The following CLIC5 variants were observed in gnomAD, a reference collection of about 807,000 sequenced individuals.
CLIC5 encodes the protein CLIC family member 5.
In CLIC5, 20 loss-of-function variants were observed where a neutral mutation model predicts 24.7. The ratio of observed to expected loss-of-function variants is 0.81; its 90% CI spans 0.57 to 1.18. The LOEUF is 1.18. Among genes scored for constraint, CLIC5 ranks in the 50% most tolerant of loss-of-function variants. CLIC5 has a pLI of 0.00. For missense variants in CLIC5, 341 were observed against 326.1 expected, an observed-to-expected ratio of 1.05 and a Z score of -0.35; for synonymous variants, 159 against 135.6, an observed-to-expected ratio of 1.17 and a Z score of -1.20.
rs1764724997 is a variant in CLIC5, at chr6:45,958,434, A to G, written c.64-3190T>C. Among the ~76,000 whole-genome samples the G allele has an allele frequency of 6.1e-5, 5 of 82,464 alleles. No individual in the cohort carries two copies. In the South Asian group the frequency reaches 3.3e-3, roughly 55 times the overall value. 54.1% of individuals were successfully genotyped at this position (82,464 alleles called of 152,430 possible). A position where few individuals can be genotyped will look rare whatever the true frequency, so the allele number is the denominator to read the frequency against. On this transcript the variant is annotated intron_variant, in intron 1 of 5. Coordinates refer to ENST00000339561, the MANE Select transcript of CLIC5 (RefSeq NM_016929.5). ...GTCAAAAAGACAATTATATATATAT[A>G]TATATATATATATATATATATATAT...
rs73448525 is a variant in CLIC5 at position 46,068,590 on chromosome 6, C to A, written c.540+11113G>T. On this transcript the variant is annotated intron_variant, in intron 1 of 5. Transcript: ENST00000185206. ...TGTTATGGCCCGAATTGTATACATA[C>A]CCCCCAAGTTTGTATGTTGAAATCC... Among the ~76,000 whole-genome samples, 1,087 of 152,094 alleles carry A rather than the reference C, an allele frequency of 7.1e-3. 13 individuals carry two copies. The highest frequency in any genetic ancestry group is 0.024 in the African/African-American group (992 of 41,482).
intron 2 of CLIC5, 149 bp from the exon 3 acceptor site, chr6:45,949,530 G>A (rs1764403588): frequency 1.2e-6 from 1 of 826,168 alleles, no homozygotes; most frequent in Non-Finnish European, 1.8e-6. Flanking sequence ...TAGGGCAGGG[G>A]AGGTTGGAGA....
At chr6:45,916,631 G>A (rs959110454) in intron 4 of CLIC5, among the ~76,000 whole-genome samples, 28 of 152,222 alleles carry the variant, frequency 1.8e-4, no homozygotes, top group African/African-American at 6.8e-4. Context: ...TGTTGCACAA[G>A]TCTGTGCCCA....
chr6:46,023,424 C>A (rs1767240744), intron 1 of CLIC5, among the ~76,000 whole-genome samples: 1 of 152,178 alleles, frequency 6.6e-6, no homozygotes, highest in African/African-American at 2.4e-5. Flanking sequence ...GAACTCCCTC[C>A]ATTGCTAAAG....
chr6:45,930,325 A>C (rs566764502), intron 4 of CLIC5, among the ~76,000 whole-genome samples: 59 of 152,302 alleles, frequency 3.9e-4, no homozygotes, highest in African/African-American at 1.4e-3. Flanking sequence ...AGATTGTAGA[A>C]GGAGAAGAGG....
At chr6:46,013,210 C>G (rs374424233) in intron 1 of CLIC5, among the ~76,000 whole-genome samples, 9 of 152,152 alleles carry the variant, frequency 5.9e-5, no homozygotes, top group African/African-American at 1.4e-4. Context: ...AGAAACCAAC[C>G]CACCCTGCCC....
chr6:46,006,403 C>A (rs945246644), intron 1 of CLIC5, among the ~76,000 whole-genome samples: 1 of 151,650 alleles, frequency 6.6e-6, no homozygotes, highest in Non-Finnish European at 1.5e-5. Flanking sequence ...CTCAGCCTCC[C>A]AAAGTGCTGG....
the CLIC5 span, among the ~76,000 whole-genome samples, chr6:46,095,030 A>G: frequency 3.3e-5 from 5 of 152,186 alleles, no homozygotes; most frequent in African/African-American, 7.2e-5. Flanking sequence ...CACCAGTCTT[A>G]TGGCTTACAC....
At chr6:45,997,455 G>A (rs1323697575) in intron 1 of CLIC5, among the ~76,000 whole-genome samples, 1 of 149,678 alleles carries the variant, frequency 6.7e-6, no homozygotes, top group African/African-American at 2.5e-5. Context: ...GTATACATAT[G>A]TAACTAACCT....
chr6:46,097,940 G>A, the CLIC5 span, among the ~76,000 whole-genome samples: 5 of 152,086 alleles, frequency 3.3e-5, no homozygotes, highest in African/African-American at 9.7e-5. Context: ...GTGTACACAC[G>A]TCTTCTTACT....
rs551100785 is a variant in CLIC5 at position 45,901,693 on chromosome 6, G to A, written c.*1395C>T. 6.6e-6 allele frequency: 1 copy of A among 152,622 alleles called. No individual in the cohort carries two copies. The highest frequency in any genetic ancestry group is 1.9e-4 in the East Asian group (1 of 5,180). 9.5% of individuals were successfully genotyped at this position (152,622 alleles called of 1,614,324 possible). A position where few individuals can be genotyped will look rare whatever the true frequency, so the allele number is the denominator to read the frequency against. On this transcript the variant is annotated 3_prime_UTR_variant, in exon 6 of 6. Coordinates refer to ENST00000339561, the MANE Select transcript of CLIC5 (RefSeq NM_016929.5). ...CCTCTGCACAGGTCCCCAAGCTCAG[G>A]CTGGGTAAGCTTTTTAGGAGATGAA...
chr6:46,095,471 A>G, the CLIC5 span, among the ~76,000 whole-genome samples: 1 of 152,346 alleles, frequency 6.6e-6, no homozygotes. Context: ...GCCAGGTCAC[A>G]TCTTGAACAT....
chr6:45,992,814 T>C (rs568635441), intron 1 of CLIC5, among the ~76,000 whole-genome samples: 13 of 152,302 alleles, frequency 8.5e-5, no homozygotes, highest in Middle Eastern at 3.4e-3. Flanking sequence ...ATTTATGCCT[T>C]ATATAAAAAG....
At chr6:46,118,620 T>C in the CLIC5 span, among the ~76,000 whole-genome samples, 2 of 152,230 alleles carry the variant, frequency 1.3e-5, no homozygotes, top group Non-Finnish European at 2.9e-5. Flanking sequence ...AAATGAAGTA[T>C]GATTCCTTCC....
the CLIC5 span, among the ~76,000 whole-genome samples, chr6:46,095,139 G>A: frequency 6.6e-6 from 1 of 151,604 alleles, no homozygotes; most frequent in Non-Finnish European, 1.5e-5. Flanking sequence ...AGGCTGCACA[G>A]GGCAGTGGGG....
chr6:45,995,637 A>C (rs1766106872), intron 1 of CLIC5, among the ~76,000 whole-genome samples: 1 of 152,264 alleles, frequency 6.6e-6, no homozygotes, highest in African/African-American at 2.4e-5. Context: ...TGAGACATTT[A>C]GAAGCACTCA....
Position 45,899,058 on chromosome 6 carries a change from TATCCTGACACTAAGCTGGG to T in CLIC5, c.*4011_*4029del, listed in dbSNP as rs1762444375. On this transcript the variant is annotated 3_prime_UTR_variant, in exon 6 of 6. Transcript: ENST00000339561. ...ATCATACATAATTATGAATCGAAAG[TATCCTGACACTAAGCTGGG>T]AGATGCATACTGACAAAGGGGAAGA... The T allele has an allele frequency of 6.6e-6, 1 of 152,182 alleles. No individual in the cohort carries two copies. The highest frequency in any genetic ancestry group is 1.5e-5 in the Non-Finnish European group (1 of 68,034). 9.4% of individuals were successfully genotyped at this position (152,182 alleles called of 1,614,324 possible). A position where few individuals can be genotyped will look rare whatever the true frequency, so the allele number is the denominator to read the frequency against.
At chr6:45,911,415 T>C (rs1187394839) in intron 5 of CLIC5, among the ~76,000 whole-genome samples, 1 of 152,172 alleles carries the variant, frequency 6.6e-6, no homozygotes, top group African/African-American at 2.4e-5. Context: ...TCCCTTTCTG[T>C]TCACTGAAAG....
the CLIC5 span, among the ~76,000 whole-genome samples, chr6:46,099,769 T>C: frequency 3.9e-5 from 6 of 152,168 alleles, no homozygotes; most frequent in Non-Finnish European, 8.8e-5. Context: ...TGTGGATACA[T>C]TGGCCTTTGA....
Sources: gnomAD v4.1 joint callset for allele counts (sites outside exome capture counted in the v4.1 genomes callset) on GRCh38, gnomAD v4.1.1 for gene constraint, MANE v1.5 for transcripts, NCBI Gene and HGNC (gene_info 2026-07-23, HGNC 2026-07-21) for gene names.